The following WDFY4 variants were observed in gnomAD, a reference collection of about 807,000 sequenced individuals.
WDFY4 encodes the protein WD repeat- and FYVE domain-containing protein 4.
Under a neutral mutation model 351.9 loss-of-function variants are expected in WDFY4, and 169 were observed. The observed-to-expected ratio is 0.48, with a 90% CI of 0.42 to 0.55. The LOEUF is 0.55. WDFY4 is among the 20% of genes least tolerant of loss of function. WDFY4 has a pLI of 0.00. For missense variants in WDFY4, 3,803 were observed against 3,935.6 expected (o/e 0.97, Z 0.90); for synonymous variants, 1,622 against 1,574.6 (o/e 1.03, Z -0.71).
intron 24 of WDFY4, among the ~76,000 whole-genome samples, 193 bp downstream of exon 24, chr10:48,796,643 G>A (rs141638234): frequency 3.9e-5 from 6 of 152,284 alleles, no homozygotes; most frequent in Admixed American, 6.5e-5. Context: ...GAGTGGCTTC[G>A]GACAAATCTC....
At chr10:48,795,504 TATATATATATATATATATAC>T (rs1370987300) in intron 23 of WDFY4, among the ~76,000 whole-genome samples, 3 of 115,750 alleles carry the variant, frequency 2.6e-5, no homozygotes, top group Admixed American at 8.5e-5. Flanking sequence ...TATATATATA[TATATATATATATATATATAC>T]ATATATATAT....
chr10:48,867,400 GA>G (rs1378202690), intron 40 of WDFY4, 58 bp downstream of exon 40: 26 of 1,197,482 alleles, frequency 2.2e-5, no homozygotes, highest in Non-Finnish European at 2.6e-5. Context: ...CCTTGAACCT[GA>G]AAAATAATTG....
chr10:48,920,167 A>G (rs187996512), intron 47 of WDFY4, among the ~76,000 whole-genome samples: 4 of 152,364 alleles, frequency 2.6e-5, no homozygotes, highest in Admixed American at 6.5e-5. Flanking sequence ...GACATTTGAC[A>G]ATGTAACATC....
At chr10:48,955,583 G>A (rs1204233722) in intron 51 of WDFY4, among the ~76,000 whole-genome samples, 1 of 151,204 alleles carries the variant, frequency 6.6e-6, no homozygotes, top group African/African-American at 2.5e-5. Flanking sequence ...GTTTGCCCCA[G>A]TTCTGCCATT....
intron 35 of WDFY4, 73 bp downstream of exon 35, chr10:48,822,610 C>G (rs977073327): frequency 7.3e-7 from 1 of 1,376,516 alleles, no homozygotes; most frequent in African/African-American, 1.5e-5. Flanking sequence ...CCAGTTGGTT[C>G]CACTGGATCT....
intron 13 of WDFY4, among the ~76,000 whole-genome samples, chr10:48,761,249 G>A (rs980899013): frequency 5.3e-5 from 8 of 152,138 alleles, no homozygotes; most frequent in African/African-American, 9.7e-5. Flanking sequence ...GGGATAATGG[G>A]GCATGCAGGC....
At chr10:48,759,034 T>C (rs1011481189) in intron 12 of WDFY4, among the ~76,000 whole-genome samples, 5 of 143,332 alleles carry the variant, frequency 3.5e-5, no homozygotes, top group African/African-American at 1.3e-4. Flanking sequence ...AGAATGTTAA[T>C]GAATATATAT....
chr10:48,854,201 G>A lies in WDFY4; in HGVS notation c.6664-13064G>A, dbSNP rs576302885. ...CTCAGCTCACTGCAACTCTACCTCC[G>A]GGGTTCAAGCCACCCTCCTACCTAA... is the stretch of plus-strand genomic sequence containing the variant. On this transcript the variant is annotated intron_variant, in intron 39 of 61. Coordinates refer to ENST00000325239, the MANE Select transcript of WDFY4 (RefSeq NM_001394531.1). Among the ~76,000 whole-genome samples, 348 of 150,228 alleles carry A rather than the reference G, an allele frequency of 2.3e-3. 1 individual carries two copies. Among genetic ancestry groups the A allele is most frequent in the African/African-American group, 8.0e-3 (328 of 40,854 alleles).
intron 47 of WDFY4, among the ~76,000 whole-genome samples, chr10:48,911,814 G>C (rs1469201143): frequency 6.6e-6 from 1 of 152,166 alleles, no homozygotes; most frequent in African/African-American, 2.4e-5. Flanking sequence ...TTAATAAAGG[G>C]AAAAACTAAA....
chr10:48,803,522 T>A (rs1388693560), intron 25 of WDFY4, among the ~76,000 whole-genome samples, 163 bp downstream of exon 25: 1 of 152,000 alleles, frequency 6.6e-6, no homozygotes, highest in Non-Finnish European at 1.5e-5. Context: ...CAGTCTCCTC[T>A]CATGGTCTCG....
chr10:48,857,671 T>C (rs555691248), intron 39 of WDFY4, among the ~76,000 whole-genome samples: 14 of 152,354 alleles, frequency 9.2e-5, no homozygotes, highest in Admixed American at 2.0e-4. Context: ...AGTCTCTATA[T>C]CCATCTAGAT....
chr10:48,842,324 C>T (rs145609467), intron 39 of WDFY4, among the ~76,000 whole-genome samples: 1,618 of 152,016 alleles, frequency 0.011, 28 homozygotes, highest in African/African-American at 0.037. Context: ...CATCATTGCA[C>T]AGCAGCTGGT....
chr10:48,969,237 G>A lies in WDFY4; in HGVS notation c.8758G>A (p.Gly2920Ser), dbSNP rs371081079. ...DDFSCCLGSY[G>S]SDKVLMTFEN... ...CTTCAGCTGCTGCTTGGGGAGCTACGGCTCCGACAAGGTGAGGGGGCTGCA... is the reference window on the plus strand; with the variant it reads ...CTTCAGCTGCTGCTTGGGGAGCTACAGCTCCGACAAGGTGAGGGGGCTGCA... The change falls in exon 56 of 62, where the codon GGC becomes AGC. Residue 2920 changes from glycine to serine, a missense_variant. By Grantham distance (56) the Gly-to-Ser change is moderately conservative. This residue lies in a region of WDFY4 where 3,054 missense variants were observed against 3,148.6 expected (regional missense o/e 0.97). Transcript: ENST00000325239. 1.1e-5 allele frequency: 17 copies of A among 1,551,236 alleles called. No individual in the cohort carries two copies. The highest frequency in any genetic ancestry group is 2.7e-5 in the African/African-American group (2 of 73,024).
chr10:48,974,519 A>AAAAAAAAAAAAAAAAAAAAAAAACAAC (rs1352344126), intron 57 of WDFY4, among the ~76,000 whole-genome samples: 4 of 49,970 alleles, frequency 8.0e-5, no homozygotes, highest in African/African-American at 1.4e-4. Context: ...AAAAAAAAAA[A>AAAAAAAAAAAAAAAAAAAAAAAACAAC]AAAAAAAAAA....
chr10:48,914,263 G>C, intron 47 of WDFY4: 1 of 1,230,232 alleles, frequency 8.1e-7, no homozygotes, highest in Non-Finnish European at 1.1e-6. Flanking sequence ...ATCTGGTTAG[G>C]AGATGCCAGA....
In WDFY4 at chr10:48,760,475, T is replaced by G. The variant is rs1041499002; in HGVS notation, c.2553+35T>G. ...GTTGAATATGTGTGTTTTGTCATCTTCACATGACTGATCTCTCAAATGCCT... is the reference window on the plus strand; with the variant it reads ...GTTGAATATGTGTGTTTTGTCATCTGCACATGACTGATCTCTCAAATGCCT... On this transcript the variant is annotated intron_variant, in intron 13 of 61. Coordinates refer to ENST00000325239, the MANE Select transcript of WDFY4 (RefSeq NM_001394531.1). The G allele has an allele frequency of 1.2e-5, 19 of 1,541,876 alleles. No individual in the cohort carries two copies. In the South Asian group the frequency reaches 2.3e-4, roughly 18 times the overall value.
chr10:48,978,181 G>A lies in WDFY4; in HGVS notation c.9292-128G>A, dbSNP rs1002487248. On this transcript the variant is annotated intron_variant, in intron 59 of 61. Transcript: ENST00000325239. ...ACCTGATGATAAGTTAACATCAGAA[G>A]TGAAAGGGGGGCCATGTGTTCATCC... 4 of 874,458 alleles carry A rather than the reference G, an allele frequency of 4.6e-6. No homozygotes were observed. In the African/African-American group the frequency reaches 6.8e-5, roughly 15 times the overall value. 54.2% of individuals were successfully genotyped at this position (874,458 alleles called of 1,614,324 possible).
At chr10:48,908,460 G>A (rs988816646) in intron 47 of WDFY4, among the ~76,000 whole-genome samples, 10 of 152,140 alleles carry the variant, frequency 6.6e-5, no homozygotes, top group Admixed American at 2.0e-4. Flanking sequence ...TAGATTAGCC[G>A]GCTGAGCCGA....
chr10:48,893,763 C>T (rs1265782233), intron 44 of WDFY4, among the ~76,000 whole-genome samples: 4 of 152,156 alleles, frequency 2.6e-5, no homozygotes, highest in Non-Finnish European at 5.9e-5. Context: ...TCCTGAAATC[C>T]ACTTCTACTA....
Sources: gnomAD v4.1 joint callset for allele counts (sites outside exome capture counted in the v4.1 genomes callset) on GRCh38, gnomAD v4.1.1 for gene constraint, gnomAD v4.1.1 regional missense constraint, MANE v1.5 for transcripts, NCBI Gene and HGNC (gene_info 2026-07-23, HGNC 2026-07-21) for gene names.